The following CBFA2T2 variants were observed in gnomAD, a reference collection of about 807,000 sequenced individuals.
CBFA2T2 encodes CBFA2/RUNX1 partner transcriptional co-repressor 2.
CBFA2T2 carries 11 observed loss-of-function variants against 62.2 expected under a neutral mutation model. That is an observed-to-expected ratio of 0.18 (90% CI 0.11 to 0.29). CBFA2T2 has a LOEUF of 0.29. Among genes scored for constraint, CBFA2T2 ranks in the 10% least tolerant of loss-of-function variants. The probability of loss-of-function intolerance (pLI) is 1.00; values close to 1 mark genes in which losing one functional copy is unlikely to be tolerated. For synonymous variants in CBFA2T2, 295 were observed against 287.5 expected, an observed-to-expected ratio of 1.03 and a Z score of -0.27; for missense variants, 592 against 774.1, an observed-to-expected ratio of 0.76 and a Z score of 2.79.
chr20:33,590,044 G>A (rs1375226664), intron 1 of CBFA2T2, among the ~76,000 whole-genome samples: 1 of 151,750 alleles, frequency 6.6e-6, no homozygotes, highest in Admixed American at 6.6e-5. Context: ...CTTGAGGCCA[G>A]GAGTTTGAGA....
rs764761271 is a variant in CBFA2T2 at position 33,611,284 on chromosome 20, C to T, written c.369C>T (p.Asp123=). 1.9e-6 allele frequency: 3 copies of T among 1,614,212 alleles called. No individual in the cohort carries two copies. Among genetic ancestry groups the T allele is most frequent in the Admixed American group, 1.7e-5 (1 of 60,022 alleles). Residue 123 remains aspartate, a synonymous_variant, in exon 3 of 11, where the codon GAC becomes GAT. Coordinates refer to ENST00000342704, the MANE Select transcript of CBFA2T2 (RefSeq NM_001032999.3). Reference sequence around the variant, plus strand: ...CCACTCTGCAACAGTTTGGCAATGACATCTCCCCTGAGATTGGGGAGAAGG... The same window carrying T: ...CCACTCTGCAACAGTTTGGCAATGATATCTCCCCTGAGATTGGGGAGAAGG... The part of the protein sequence containing the change: ...FLTTLQQFGN[D]ISPEIGEKVR...
At chr20:33,601,777 A>T (rs1186925778) in intron 1 of CBFA2T2, 1 of 151,490 alleles carries the variant, frequency 6.6e-6, no homozygotes, top group Admixed American at 6.6e-5. Context: ...CATAGATAAC[A>T]TCTCAAACTC....
intron 9 of CBFA2T2, among the ~76,000 whole-genome samples, chr20:33,640,078 T>A (rs1358831670): frequency 6.6e-6 from 1 of 152,144 alleles, no homozygotes; most frequent in Non-Finnish European, 1.5e-5. Flanking sequence ...CTGAAACACT[T>A]TCATACTTGG....
intron 1 of CBFA2T2, among the ~76,000 whole-genome samples, chr20:33,494,283 T>A (rs1168387554): frequency 1.6e-5 from 1 of 61,340 alleles, no homozygotes; most frequent in African/African-American, 5.9e-5. Flanking sequence ...ATTTTTTTTT[T>A]TTTTTTTTTT....
At chr20:33,496,490 A>G (rs1432370352) in intron 1 of CBFA2T2, among the ~76,000 whole-genome samples, 3 of 152,202 alleles carry the variant, frequency 2.0e-5, no homozygotes, top group African/African-American at 7.2e-5. Flanking sequence ...TTGTAATTTT[A>G]TTTTGCCTAG....
chr20:33,505,555 G>A (rs916914632), intron 1 of CBFA2T2, among the ~76,000 whole-genome samples: 27 of 151,946 alleles, frequency 1.8e-4, no homozygotes, highest in East Asian at 1.9e-4. Flanking sequence ...AGGCCGAGGC[G>A]GGTGAATCAC....
intron 1 of CBFA2T2, among the ~76,000 whole-genome samples, chr20:33,560,886 GC>G (rs1371423320): frequency 6.6e-6 from 1 of 152,002 alleles, no homozygotes; most frequent in African/African-American, 2.4e-5. Context: ...TTTTGCTTTT[GC>G]TTTTTTTTTG....
At chr20:33,528,549 A>G (rs1600932376) in intron 1 of CBFA2T2, among the ~76,000 whole-genome samples, 1 of 152,086 alleles carries the variant, frequency 6.6e-6, no homozygotes, top group Non-Finnish European at 1.5e-5. Context: ...TCAGCCTTTG[A>G]CTGAAGTCTC....
chr20:33,604,495 A>G (rs1164053302), intron 1 of CBFA2T2, among the ~76,000 whole-genome samples: 1 of 152,344 alleles, frequency 6.6e-6, no homozygotes, highest in East Asian at 1.9e-4. Flanking sequence ...CACTTGAAAC[A>G]TGAAGAAACA....
chr20:33,540,438 G>A (rs1351531225), intron 1 of CBFA2T2, among the ~76,000 whole-genome samples: 1 of 152,166 alleles, frequency 6.6e-6, no homozygotes, highest in Non-Finnish European at 1.5e-5. Context: ...TTTAACAATG[G>A]TGTTTGTATA....
At chr20:33,526,704 A>G (rs184625123) in intron 1 of CBFA2T2, among the ~76,000 whole-genome samples, 1 of 151,680 alleles carries the variant, frequency 6.6e-6, no homozygotes, top group East Asian at 2.0e-4. Context: ...TGGGTACTCC[A>G]ATCTTGTTCA....
At chr20:33,507,904 A>T (rs1297470854) in intron 1 of CBFA2T2, among the ~76,000 whole-genome samples, 2 of 152,122 alleles carry the variant, frequency 1.3e-5, no homozygotes, top group African/African-American at 2.4e-5. Context: ...GAGGTATATC[A>T]GCTTTTATAC....
At chr20:33,616,411 T>C (rs2015715506) in intron 3 of CBFA2T2, among the ~76,000 whole-genome samples, 1 of 152,150 alleles carries the variant, frequency 6.6e-6, no homozygotes, top group Admixed American at 6.6e-5. Flanking sequence ...AAAATACACA[T>C]ATGGCAAAAT....
At position 33,495,532 on chromosome 20, in the gene CBFA2T2, T is replaced by C. The variant is rs569866095; in HGVS notation, c.34+5231T>C. 4.9e-4 allele frequency among the ~76,000 whole-genome samples: 74 copies of C among 150,034 alleles called. No homozygotes were observed. In the South Asian group the frequency reaches 0.015, roughly 31 times the overall value. On this transcript the variant is annotated intron_variant, in intron 1 of 10. Transcript: ENST00000342704. ...GAAACCCCGTCCCTACCAAAAAACG[T>C]ACAAAAAAAATCAGCTGGGCGTGGT...
chr20:33,494,351 A>G (rs6141954), intron 1 of CBFA2T2, among the ~76,000 whole-genome samples: 118,544 of 120,974 alleles, frequency 0.98, 58,139 homozygotes, highest in Middle Eastern at 1. Context: ...GCACGATCTC[A>G]GCTCACTGCA....
chr20:33,523,598 G>A (rs1473084867), intron 1 of CBFA2T2, among the ~76,000 whole-genome samples: 1 of 152,160 alleles, frequency 6.6e-6, no homozygotes, highest in African/African-American at 2.4e-5. Context: ...ACCCCAGGTG[G>A]GGATAAATAC....
At chr20:33,507,224 A>G (rs1396072539) in intron 1 of CBFA2T2, among the ~76,000 whole-genome samples, 2 of 152,192 alleles carry the variant, frequency 1.3e-5, no homozygotes, top group African/African-American at 4.8e-5. Flanking sequence ...ACGTTTATTG[A>G]ATTCCTTGTA....
chr20:33,554,407 C>T (rs2012829080), intron 1 of CBFA2T2, among the ~76,000 whole-genome samples: 1 of 151,448 alleles, frequency 6.6e-6, no homozygotes, highest in African/African-American at 2.4e-5. Context: ...TGCCACCTGG[C>T]CCAGCTAGGT....
intron 1 of CBFA2T2, among the ~76,000 whole-genome samples, chr20:33,544,658 T>C (rs927291986): frequency 2.0e-5 from 3 of 152,116 alleles, no homozygotes; most frequent in Admixed American, 6.6e-5. Context: ...AGCAGTTCCC[T>C]GCCCCAGCCT....
Sources: gnomAD v4.1 joint callset for allele counts (sites outside exome capture counted in the v4.1 genomes callset) on GRCh38, gnomAD v4.1.1 for gene constraint, MANE v1.5 for transcripts, NCBI Gene and HGNC (gene_info 2026-07-23, HGNC 2026-07-21) for gene names.